The following RNF125 variants were observed in gnomAD, a reference collection of about 807,000 sequenced individuals.
RNF125 encodes ring finger protein 125, also known as E3 ubiquitin-protein ligase RNF125.
A neutral mutation model predicts 26.0 loss-of-function variants in RNF125; 21 were observed. The observed-to-expected ratio is 0.81, with a 90% CI of 0.57 to 1.16. The LOEUF (loss-of-function observed/expected upper bound fraction) is 1.16, where lower values mean the gene tolerates loss of function less well. Ranked by LOEUF, RNF125 falls within the 50% of genes most tolerant of loss-of-function variation. The pLI is 0.00. For missense variants in RNF125, 270 were observed against 299.4 expected, an observed-to-expected ratio of 0.90 and a Z score of 0.72; for synonymous variants, 95 against 109.2, an observed-to-expected ratio of 0.87 and a Z score of 0.81.
intron 4 of RNF125, among the ~76,000 whole-genome samples, chr18:32,046,474 G>A (rs181824926): frequency 6.6e-5 from 10 of 151,598 alleles, no homozygotes; most frequent in Non-Finnish European, 1.3e-4. Context: ...GTGGGCGCCT[G>A]TAGTCCCAGC....
intron 4 of RNF125, among the ~76,000 whole-genome samples, chr18:32,057,146 G>GTTTT (rs1482436620): frequency 6.6e-6 from 1 of 152,028 alleles, no homozygotes; most frequent in African/African-American, 2.4e-5. Flanking sequence ...GTTTATTGAT[G>GTTTT]TTTTCCTTAC....
chr18:32,066,922 T>C (rs781019530), intron 5 of RNF125, among the ~76,000 whole-genome samples: 2 of 152,160 alleles, frequency 1.3e-5, no homozygotes, highest in Non-Finnish European at 2.9e-5. Flanking sequence ...TCAACAGAAC[T>C]TGGTTCTGGT....
intron 1 of RNF125, among the ~76,000 whole-genome samples, chr18:32,021,281 C>T (rs1221818977): frequency 3.9e-5 from 6 of 152,168 alleles, no homozygotes; most frequent in East Asian, 3.9e-4. Flanking sequence ...GGGGTTTCAC[C>T]GTGTTAGCCA....
chr18:32,031,847 C>T (rs1355297896), intron 1 of RNF125, among the ~76,000 whole-genome samples: 1 of 152,054 alleles, frequency 6.6e-6, no homozygotes, highest in African/African-American at 2.4e-5. Flanking sequence ...TAAAAGGTTA[C>T]TGAAATTTGG....
intron 4 of RNF125, among the ~76,000 whole-genome samples, chr18:32,056,686 GCAAAACTCCATCT>G (rs2039388191): frequency 6.8e-6 from 1 of 146,852 alleles, no homozygotes; most frequent in African/African-American, 2.5e-5. Context: ...ATAAAAAAGA[GCAAAACTCCATCT>G]CAAAAAAAAT....
rs182051667 is a variant in RNF125, at chr18:32,059,300, G to A, written c.505-6602G>A. On this transcript the variant is annotated intron_variant, in intron 4 of 5. Transcript: ENST00000217740. ...CAGCATCTGTTATTGTGTGACTTTT[G>A]GATAAAAACCATTTTACCTGCGGTG... 4.1e-4 allele frequency among the ~76,000 whole-genome samples: 63 copies of A among 152,102 alleles called. No individual in the cohort carries two copies. The East Asian group carries it at 0.012, about 28-fold the overall frequency.
At chr18:32,067,128 C>T (rs2039492037) in intron 5 of RNF125, among the ~76,000 whole-genome samples, 1 of 152,180 alleles carries the variant, frequency 6.6e-6, no homozygotes, top group African/African-American at 2.4e-5. Context: ...TGGCGGGCGC[C>T]TGTGGTCCCA....
the RNF125 span, among the ~76,000 whole-genome samples, chr18:32,081,737 A>G: frequency 1.2e-4 from 18 of 152,068 alleles, no homozygotes; most frequent in African/African-American, 3.6e-4. Flanking sequence ...AATTTTTAAT[A>G]TTAAACTTTC....
Position 32,068,422 on chromosome 18 carries a change from C to G in RNF125, c.*38C>G, listed in dbSNP as rs778217602. 1.3e-5 allele frequency: 15 copies of G among 1,187,348 alleles called. No homozygotes were observed. The East Asian group carries it at 3.5e-4, about 28-fold the overall frequency. 73.6% of individuals were successfully genotyped at this position (1,187,348 alleles called of 1,614,324 possible). On this transcript the variant is annotated 3_prime_UTR_variant, in exon 6 of 6. Coordinates refer to ENST00000217740, the MANE Select transcript of RNF125 (RefSeq NM_017831.4). ...GAAGGGAAAAGGGACCACTGAATTG[C>G]ACCATTTAAGATGCTGCTTGAACAA...
the RNF125 span, among the ~76,000 whole-genome samples, chr18:32,080,699 T>TA: frequency 6.6e-6 from 1 of 152,126 alleles, no homozygotes; most frequent in South Asian, 2.1e-4. Context: ...CTTATACACT[T>TA]AAAAGTCATG....
At chr18:32,040,229 G>A (rs1568198237) in intron 2 of RNF125, among the ~76,000 whole-genome samples, 2 of 150,796 alleles carry the variant, frequency 1.3e-5, no homozygotes, top group South Asian at 2.1e-4. Flanking sequence ...CTTGAGGCCT[G>A]GCCTTAGTTT....
chr18:32,026,312 G>A (rs893193006), intron 1 of RNF125, among the ~76,000 whole-genome samples: 6 of 131,870 alleles, frequency 4.5e-5, no homozygotes, highest in African/African-American at 1.7e-4. Context: ...GCAGTGGCCC[G>A]ATCTGGGCTC....
intron 4 of RNF125, among the ~76,000 whole-genome samples, chr18:32,063,543 T>A (rs930292734): frequency 2.0e-5 from 3 of 151,468 alleles, no homozygotes; most frequent in African/African-American, 7.4e-5. Flanking sequence ...CATATACTTA[T>A]CATATAACCA....
At chr18:32,090,439 C>T in the RNF125 span, among the ~76,000 whole-genome samples, 1 of 152,124 alleles carries the variant, frequency 6.6e-6, no homozygotes, top group Non-Finnish European at 1.5e-5. Context: ...ACTGCGCTTG[C>T]TGCTAAGGAG....
Position 32,045,715 on chromosome 18 carries a change from T to C in RNF125, c.487T>C (p.Ser163Pro), listed in dbSNP as rs776196015. The change falls in exon 4 of 6, where the codon TCG becomes CCG. Residue 163 changes from serine to proline, a missense_variant. By Grantham distance (74) the Ser-to-Pro change is moderately conservative (BLOSUM62 -1). Coordinates refer to ENST00000217740, the MANE Select transcript of RNF125 (RefSeq NM_017831.4). Reference sequence around the variant, plus strand: ...GGATCATTGTATTACTCATCACAGATCGGAACGGAGGCCTGTGGTAAGGAT... The same window carrying C: ...GGATCATTGTATTACTCATCACAGACCGGAACGGAGGCCTGTGGTAAGGAT... ...LLDHCITHHR[S>P]ERRPVFCPLC... 5 of 1,612,428 alleles carry C rather than the reference T, an allele frequency of 3.1e-6. No homozygotes were observed. In the South Asian group the frequency reaches 5.5e-5, roughly 18 times the overall value.
chr18:32,044,099 C>T (rs1474510809), intron 3 of RNF125, among the ~76,000 whole-genome samples: 2 of 151,970 alleles, frequency 1.3e-5, no homozygotes, highest in East Asian at 1.9e-4. Flanking sequence ...CTCTGCTGCC[C>T]GGGTTCAAGC....
the RNF125 span, among the ~76,000 whole-genome samples, chr18:32,083,298 A>G: frequency 6.6e-6 from 1 of 152,234 alleles, no homozygotes; most frequent in Non-Finnish European, 1.5e-5. Flanking sequence ...ATCATTTGGC[A>G]ATACTGAACT....
intron 4 of RNF125, among the ~76,000 whole-genome samples, chr18:32,049,927 T>C (rs1478032931): frequency 1.3e-5 from 2 of 152,146 alleles, no homozygotes; most frequent in African/African-American, 4.8e-5. Context: ...AATGGGGACA[T>C]GTGGGTGAAA....
chr18:32,082,337 C>T, the RNF125 span, among the ~76,000 whole-genome samples: 1 of 152,016 alleles, frequency 6.6e-6, no homozygotes. Context: ...CACACACACA[C>T]ACATATATAT....
Sources: gnomAD v4.1 joint callset for allele counts (sites outside exome capture counted in the v4.1 genomes callset) on GRCh38, gnomAD v4.1.1 for gene constraint, MANE v1.5 for transcripts, NCBI Gene and HGNC (gene_info 2026-07-23, HGNC 2026-07-21) for gene names.